LMBR1: variants seen among roughly 807,000 people sequenced by gnomAD.
LMBR1 encodes the protein limb region 1 protein homolog.
LMBR1 carries 52 observed loss-of-function variants against 73.9 expected under a neutral mutation model. The observed-to-expected ratio is 0.70, with a 90% CI of 0.56 to 0.89. The LOEUF (loss-of-function observed/expected upper bound fraction) is 0.89. Ranked by LOEUF, LMBR1 falls within the 40% of genes least tolerant of loss-of-function variation. The pLI, the probability that LMBR1 is intolerant of heterozygous loss-of-function variation, is 0.00. For missense variants in LMBR1, 539 were observed against 579.8 expected (o/e 0.93, Z 0.72); for synonymous variants, 215 against 209.4 (o/e 1.03, Z -0.23).
intron 1 of LMBR1, among the ~76,000 whole-genome samples, chr7:156,838,255 AT>A (rs1838014798): frequency 6.6e-6 from 1 of 152,154 alleles, no homozygotes; most frequent in East Asian, 1.9e-4. Flanking sequence ...CTACTTAGTG[AT>A]TTTCAAAATA....
intron 5 of LMBR1, among the ~76,000 whole-genome samples, chr7:156,772,657 G>A (rs948177279): frequency 2.0e-5 from 3 of 152,156 alleles, no homozygotes; most frequent in Non-Finnish European, 4.4e-5. Flanking sequence ...AGACCAGCCT[G>A]ACCAACACAG....
At chr7:156,718,990 A>T (rs10251935) in intron 15 of LMBR1, among the ~76,000 whole-genome samples, 25,774 of 151,686 alleles carry the variant, frequency 0.17, 2,408 homozygotes, top group African/African-American at 0.26. Flanking sequence ...TGATTTTTTT[A>T]TTATTATTAT....
chr7:156,845,603 TAAAC>T (rs1839453459), intron 1 of LMBR1, among the ~76,000 whole-genome samples: 1 of 151,778 alleles, frequency 6.6e-6, no homozygotes, highest in African/African-American at 2.4e-5. Flanking sequence ...AATCACAAAA[TAAAC>T]AGAGACATAC....
chr7:156,831,025 C>T (rs189326542), intron 3 of LMBR1, among the ~76,000 whole-genome samples: 6 of 152,060 alleles, frequency 3.9e-5, no homozygotes, highest in East Asian at 1.9e-4. Context: ...CAGGAAAACA[C>T]GGTAAGGAAG....
At chr7:156,676,623 T>G (rs1490235884), downstream of LMBR1, 1 of 1,614,064 alleles carries the variant, frequency 6.2e-7, no homozygotes, top group South Asian at 1.1e-5. Flanking sequence ...TCTCTGCCGC[T>G]CCTGCTACCA....
At chr7:156,831,803 T>C (rs995446221) in intron 3 of LMBR1, among the ~76,000 whole-genome samples, 6 of 152,232 alleles carry the variant, frequency 3.9e-5, no homozygotes, top group African/African-American at 1.4e-4. Flanking sequence ...TTCTTTTCTG[T>C]TTATAAATTA....
At chr7:156,831,451 C>T (rs1391148946) in intron 3 of LMBR1, among the ~76,000 whole-genome samples, 2 of 152,012 alleles carry the variant, frequency 1.3e-5, no homozygotes, top group African/African-American at 4.8e-5. Flanking sequence ...CATCAGTTCT[C>T]ACTCATTCTA....
At chr7:156,735,561 TC>T (rs1817696995) in intron 9 of LMBR1, among the ~76,000 whole-genome samples, 1 of 151,030 alleles carries the variant, frequency 6.6e-6, no homozygotes, top group Non-Finnish European at 1.5e-5. Flanking sequence ...TTTTTTTTTT[TC>T]ATTATGCAAT....
At chr7:156,780,560 T>C (rs1248352932) in intron 5 of LMBR1, among the ~76,000 whole-genome samples, 2 of 152,232 alleles carry the variant, frequency 1.3e-5, no homozygotes, top group Non-Finnish European at 1.5e-5. Context: ...AATAATTCAC[T>C]GGTTCACTAG....
intron 15 of LMBR1, among the ~76,000 whole-genome samples, chr7:156,708,920 T>C (rs1048017240): frequency 6.6e-6 from 1 of 152,046 alleles, no homozygotes; most frequent in Non-Finnish European, 1.5e-5. Context: ...TGGCAAACTA[T>C]ATAACACAGC....
chr7:156,696,175 T>C (rs368729366), intron 15 of LMBR1, among the ~76,000 whole-genome samples: 49 of 152,300 alleles, frequency 3.2e-4, no homozygotes, highest in African/African-American at 1.2e-3. Flanking sequence ...GATTATGACA[T>C]CAAAAGCACA....
At chr7:156,819,680 C>T (rs1238418609) in intron 4 of LMBR1, among the ~76,000 whole-genome samples, 1 of 152,158 alleles carries the variant, frequency 6.6e-6, no homozygotes, top group African/African-American at 2.4e-5. Flanking sequence ...CGTTCGTGAA[C>T]TTCTGGACAC....
chr7:156,702,039 T>G (rs144693981), intron 15 of LMBR1, among the ~76,000 whole-genome samples: 139 of 152,334 alleles, frequency 9.1e-4, no homozygotes, highest in African/African-American at 3.2e-3. Flanking sequence ...AGATGGGCAT[T>G]TGGGTTGATT....
chr7:156,787,483 A>C (rs902810068), intron 5 of LMBR1, among the ~76,000 whole-genome samples: 1 of 152,208 alleles, frequency 6.6e-6, no homozygotes, highest in East Asian at 1.9e-4. Flanking sequence ...AAAAAAACTC[A>C]TGAGGTGACA....
intron 7 of LMBR1, 99 bp from the exon 8 acceptor site, chr7:156,762,297 TA>T: frequency 2.6e-6 from 2 of 760,088 alleles, no homozygotes; most frequent in South Asian, 3.3e-5. Flanking sequence ...ATTCAAGGAT[TA>T]TCATTTTAAG....
chr7:156,781,648 A>T (rs1231739016), intron 5 of LMBR1, among the ~76,000 whole-genome samples: 1 of 152,180 alleles, frequency 6.6e-6, no homozygotes, highest in Non-Finnish European at 1.5e-5. Context: ...TTAAAATAAA[A>T]GTTTACTATT....
intron 16 of LMBR1, among the ~76,000 whole-genome samples, chr7:156,687,725 G>A (rs1180011951): frequency 2.6e-5 from 4 of 152,074 alleles, no homozygotes; most frequent in African/African-American, 4.8e-5. Context: ...GACCACCATC[G>A]TCATAATAAA....
intron 1 of LMBR1, among the ~76,000 whole-genome samples, chr7:156,850,704 C>T (rs568081255): frequency 6.6e-6 from 1 of 151,792 alleles, no homozygotes. Context: ...TGAAAGCATT[C>T]CTTTCAAATA....
chr7:156,696,542 G>A (rs959315863), intron 15 of LMBR1, among the ~76,000 whole-genome samples: 4 of 152,182 alleles, frequency 2.6e-5, no homozygotes, highest in Admixed American at 2.0e-4. Flanking sequence ...AGGCCTCACA[G>A]TCATGGCAGA....
Sources: allele counts gnomAD v4.1 joint callset (sites outside exome capture counted in the v4.1 genomes callset), GRCh38; gene constraint gnomAD v4.1.1; transcripts MANE v1.5; gene names NCBI Gene and HGNC (gene_info 2026-07-23, HGNC 2026-07-21).